SPECC1: variants seen among roughly 807,000 people sequenced by gnomAD.
SPECC1 encodes sperm antigen with calponin homology and coiled-coil domains 1.
A neutral mutation model predicts 104.1 loss-of-function variants in SPECC1; 62 were observed. The ratio of observed to expected loss-of-function variants is 0.60; its 90% confidence interval spans 0.49 to 0.74. The LOEUF is 0.74. Ranked by LOEUF, SPECC1 falls within the 30% of genes least tolerant of loss-of-function variation. The pLI, the probability that SPECC1 is intolerant of heterozygous loss-of-function variation, is 0.00. For missense variants in SPECC1, 1,306 were observed against 1,310.5 expected (o/e 1.00, Z 0.05); for synonymous variants, 513 against 501.6 (o/e 1.02, Z -0.30).
chr17:20,236,443 T>A (rs1372771753), intron 7 of SPECC1, among the ~76,000 whole-genome samples: 2 of 152,214 alleles, frequency 1.3e-5, no homozygotes, highest in African/African-American at 4.8e-5. Context: ...ATTTCAACAA[T>A]GTGGACATAA....
intron 5 of SPECC1, among the ~76,000 whole-genome samples, chr17:20,229,916 C>T (rs1324556233): frequency 1.3e-5 from 2 of 152,154 alleles, no homozygotes; most frequent in Non-Finnish European, 2.9e-5. Context: ...AAATGTTAAC[C>T]CCTTCTTGGC....
At chr17:20,239,521 A>G (rs186917769) in intron 7 of SPECC1, 324 of 160,888 alleles carry the variant, frequency 2.0e-3, no homozygotes, top group Middle Eastern at 5.7e-3. Flanking sequence ...ATGACCTTCC[A>G]TAGGAAGGAT....
At chr17:20,024,354 ATG>A (rs2044516434) in intron 1 of SPECC1, among the ~76,000 whole-genome samples, 1 of 151,950 alleles carries the variant, frequency 6.6e-6, no homozygotes, top group African/African-American at 2.4e-5. Flanking sequence ...TGTTTACTCT[ATG>A]CGGAATAAAT....
chr17:20,042,092 G>A (rs369048717), intron 1 of SPECC1, among the ~76,000 whole-genome samples: 6 of 152,166 alleles, frequency 3.9e-5, no homozygotes, highest in Non-Finnish European at 5.9e-5. Context: ...TGGGTATTAC[G>A]TTATCAGACT....
At chr17:20,104,081 C>CA (rs1163092998) in intron 2 of SPECC1, among the ~76,000 whole-genome samples, 3 of 152,096 alleles carry the variant, frequency 2.0e-5, no homozygotes, top group Non-Finnish European at 4.4e-5. Context: ...GATCAGTGGA[C>CA]AAAAATCAGC....
chr17:20,062,769 A>G (rs1597635260), intron 1 of SPECC1, among the ~76,000 whole-genome samples: 1 of 150,422 alleles, frequency 6.6e-6, no homozygotes, highest in Admixed American at 6.6e-5. Flanking sequence ...GCTCACTGCA[A>G]CCTCTGCCAC....
intron 1 of SPECC1, among the ~76,000 whole-genome samples, chr17:20,026,172 CTTAAT>C (rs2044592325): frequency 6.6e-6 from 1 of 151,214 alleles, no homozygotes; most frequent in Non-Finnish European, 1.5e-5. Flanking sequence ...TGTGGGTTGT[CTTAAT>C]TTTCTTTTTT....
chr17:20,080,610 A>G (rs1045155890), intron 1 of SPECC1, among the ~76,000 whole-genome samples: 1 of 152,006 alleles, frequency 6.6e-6, no homozygotes, highest in Admixed American at 6.6e-5. Flanking sequence ...CGCAGTGGGT[A>G]AAGAATGAGA....
chr17:20,012,531 G>A (rs1346392150), intron 1 of SPECC1, among the ~76,000 whole-genome samples: 1 of 145,100 alleles, frequency 6.9e-6, no homozygotes, highest in Admixed American at 6.7e-5. Flanking sequence ...TTTTTTTTTT[G>A]TTCATTCTCT....
chr17:20,231,709 T>C, intron 5 of SPECC1, 49 bp from the exon 6 acceptor site: 1 of 1,575,590 alleles, frequency 6.3e-7, no homozygotes, highest in Non-Finnish European at 8.7e-7. Flanking sequence ...TGTCTTCTCT[T>C]AAGAGTCTCA....
At chr17:20,232,450 A>G in intron 7 of SPECC1, 45 bp downstream of exon 7, 1 of 1,554,614 alleles carries the variant, frequency 6.4e-7, no homozygotes, top group Non-Finnish European at 8.7e-7. Context: ...CTCAATCACT[A>G]TGTATGGGGC....
At chr17:20,117,575 C>T (rs887438194) in intron 3 of SPECC1, among the ~76,000 whole-genome samples, 3 of 151,316 alleles carry the variant, frequency 2.0e-5, no homozygotes, top group Non-Finnish European at 4.4e-5. Context: ...TTGCTTGAGC[C>T]CAGGAGTTGA....
intron 11 of SPECC1, among the ~76,000 whole-genome samples, chr17:20,257,989 C>T (rs1253933057): frequency 3.9e-5 from 6 of 152,062 alleles, no homozygotes; most frequent in African/African-American, 9.7e-5. Flanking sequence ...TCCTGAGAGC[C>T]GGGACTCTGC....
chr17:20,014,598 C>T (rs951714802), intron 1 of SPECC1, among the ~76,000 whole-genome samples: 46 of 152,300 alleles, frequency 3.0e-4, no homozygotes, highest in Admixed American at 6.5e-5. Context: ...TACGTTAAAA[C>T]CTTCTGAATT....
chr17:20,015,977 C>G lies in SPECC1; in HGVS notation c.-22+6553C>G, dbSNP rs1033830752. 1.1e-4 allele frequency among the ~76,000 whole-genome samples: 17 copies of G among 148,892 alleles called. 1 individual carries two copies. Among genetic ancestry groups the G allele is most frequent in the Admixed American group, 1.1e-3 (17 of 15,040 alleles). ...CTGTAATCCCAGCACTTTGGGAGGC[C>G]GAGGCGGATGGATCACGAGGTCAGG... On this transcript the variant is annotated intron_variant, in intron 1 of 14. Transcript: ENST00000395527.
intron 12 of SPECC1, among the ~76,000 whole-genome samples, chr17:20,285,027 G>C (rs35412926): frequency 8.1e-4 from 124 of 152,264 alleles, no homozygotes; most frequent in Non-Finnish European, 1.6e-3. Context: ...ATGCAGCCAC[G>C]GAATCCAGCT....
chr17:20,086,859 G>A (rs1358010509), intron 1 of SPECC1, among the ~76,000 whole-genome samples: 6 of 152,186 alleles, frequency 3.9e-5, no homozygotes, highest in Admixed American at 3.9e-4. Context: ...GTTTTGCTGG[G>A]TGGGTGGGGC....
chr17:20,286,949 T>C (rs1205080556), intron 12 of SPECC1, among the ~76,000 whole-genome samples: 1 of 152,182 alleles, frequency 6.6e-6, no homozygotes, highest in Non-Finnish European at 1.5e-5. Context: ...TCCTGGAAAC[T>C]GTGCTAGCCC....
At chr17:20,096,845 G>C in intron 2 of SPECC1, 47 bp downstream of exon 2, 3 of 1,576,176 alleles carry the variant, frequency 1.9e-6, no homozygotes, top group Non-Finnish European at 2.6e-6. Flanking sequence ...TGGATACCCT[G>C]GGTTGGGAGG....
Sources: gnomAD v4.1 joint callset for allele counts (sites outside exome capture counted in the v4.1 genomes callset) on GRCh38, gnomAD v4.1.1 for gene constraint, MANE v1.5 for transcripts, NCBI Gene and HGNC (gene_info 2026-07-23, HGNC 2026-07-21) for gene names.